KCNQ5: variants seen among roughly 807,000 people sequenced by gnomAD.
KCNQ5 encodes the protein potassium voltage-gated channel subfamily Q member 5, also known as potassium voltage-gated channel subfamily KQT member 5.
In KCNQ5, 30 loss-of-function variants were observed where a neutral mutation model predicts 98.2. That is an observed-to-expected ratio of 0.31 (90% CI 0.23 to 0.41). The LOEUF (loss-of-function observed/expected upper bound fraction) is 0.41. KCNQ5 is among the 10% of genes least tolerant of loss of function. The probability of loss-of-function intolerance (pLI) is 1.00; values close to 1 mark genes in which losing one functional copy is unlikely to be tolerated. For missense variants in KCNQ5, 835 were observed against 1,182.5 expected (o/e 0.71, Z 4.31); for synonymous variants, 458 against 449.4 (o/e 1.02, Z -0.24).
intron 1 of KCNQ5, among the ~76,000 whole-genome samples, chr6:72,743,596 A>G (rs1771234412): frequency 1.3e-5 from 2 of 152,212 alleles, no homozygotes; most frequent in Non-Finnish European, 2.9e-5. Context: ...CCCTTTTAAA[A>G]TCTAAATCCT....
At chr6:72,779,265 C>A (rs1773327410) in intron 1 of KCNQ5, among the ~76,000 whole-genome samples, 3 of 151,986 alleles carry the variant, frequency 2.0e-5, no homozygotes, top group Admixed American at 2.0e-4. Context: ...AAGGAGAGGC[C>A]CAGGCCAGGG....
intron 11 of KCNQ5, among the ~76,000 whole-genome samples, chr6:73,184,040 A>G (rs1778488703): frequency 6.6e-6 from 1 of 152,184 alleles, no homozygotes; most frequent in African/African-American, 2.4e-5. Context: ...CAACCAATAT[A>G]ATTCCATCCC....
chr6:73,198,519 A>T lies in KCNQ5; in HGVS notation c.*3105A>T, dbSNP rs1765873325. The T allele has an allele frequency of 1.3e-5, 2 of 152,250 alleles. No individual in the cohort carries two copies. Among genetic ancestry groups the T allele is most frequent in the Non-Finnish European group, 2.9e-5 (2 of 68,042 alleles). The allele number at this position is 152,250 out of a possible 1,614,324, so 9.4% of individuals were successfully genotyped here. A position where few individuals can be genotyped will look rare whatever the true frequency, so the allele number is the denominator to read the frequency against. Reference sequence around the variant, plus strand: ...CCATTTGCAAAGCAAAACTGTAAGGATGATGAAACCTGGCTAACTAAATTA... The same window carrying T: ...CCATTTGCAAAGCAAAACTGTAAGGTTGATGAAACCTGGCTAACTAAATTA... On this transcript the variant is annotated 3_prime_UTR_variant, in exon 14 of 14. Coordinates refer to ENST00000370398, the MANE Select transcript of KCNQ5 (RefSeq NM_019842.4).
chr6:72,720,212 A>G (rs1225530329), intron 1 of KCNQ5, among the ~76,000 whole-genome samples: 1 of 152,186 alleles, frequency 6.6e-6, no homozygotes, highest in African/African-American at 2.4e-5. Flanking sequence ...TTACTGCTAT[A>G]AGTGCACAGT....
intron 9 of KCNQ5, among the ~76,000 whole-genome samples, chr6:73,131,862 G>T (rs987529316): frequency 6.6e-6 from 1 of 152,112 alleles, no homozygotes; most frequent in Non-Finnish European, 1.5e-5. Context: ...AAACTGCCCC[G>T]CCTGTTCTTT....
intron 1 of KCNQ5, among the ~76,000 whole-genome samples, chr6:72,831,067 A>C (rs1242099412): frequency 6.6e-6 from 1 of 152,142 alleles, no homozygotes; most frequent in Non-Finnish European, 1.5e-5. Flanking sequence ...ATCATTAAAA[A>C]GTCAGGAAAC....
intron 3 of KCNQ5, among the ~76,000 whole-genome samples, chr6:73,075,447 TC>T (rs1773494811): frequency 6.6e-6 from 1 of 152,158 alleles, no homozygotes; most frequent in South Asian, 2.1e-4. Context: ...GGTCTCGATC[TC>T]CTGACCTCAT....
At chr6:72,762,933 C>G (rs191383584) in intron 1 of KCNQ5, among the ~76,000 whole-genome samples, 7 of 152,068 alleles carry the variant, frequency 4.6e-5, no homozygotes, top group African/African-American at 1.4e-4. Flanking sequence ...TTGGGCAGCA[C>G]TGAGCCATTT....
intron 1 of KCNQ5, among the ~76,000 whole-genome samples, chr6:72,864,034 G>A (rs1777875152): frequency 6.6e-6 from 1 of 152,128 alleles, no homozygotes; most frequent in Non-Finnish European, 1.5e-5. Context: ...CCTCCCCGCG[G>A]CAAGTAGCTC....
chr6:72,656,571 A>AT (rs1766205212), intron 1 of KCNQ5, among the ~76,000 whole-genome samples: 1 of 152,226 alleles, frequency 6.6e-6, no homozygotes, highest in Non-Finnish European at 1.5e-5. Flanking sequence ...ATAATAAAAC[A>AT]TTTAACACAA....
intron 1 of KCNQ5, among the ~76,000 whole-genome samples, chr6:72,837,550 T>C (rs1321776284): frequency 2.0e-5 from 3 of 152,178 alleles, no homozygotes; most frequent in South Asian, 2.1e-4. Flanking sequence ...ATATACATGG[T>C]AATGATTACA....
intron 1 of KCNQ5, among the ~76,000 whole-genome samples, chr6:72,950,144 A>G (rs1186236802): frequency 2.6e-5 from 4 of 152,216 alleles, no homozygotes; most frequent in African/African-American, 9.6e-5. Flanking sequence ...AAGAATAGCT[A>G]AGAAAAACTA....
At chr6:72,948,314 C>A (rs368413253) in intron 1 of KCNQ5, among the ~76,000 whole-genome samples, 8 of 151,938 alleles carry the variant, frequency 5.3e-5, no homozygotes, top group East Asian at 3.9e-4. Flanking sequence ...ATCCAACTGA[C>A]CTGTCGTTAC....
intron 9 of KCNQ5, among the ~76,000 whole-genome samples, chr6:73,132,439 C>T (rs1489202927): frequency 6.6e-6 from 1 of 152,104 alleles, no homozygotes; most frequent in Non-Finnish European, 1.5e-5. Flanking sequence ...TCTTACAGTT[C>T]ATTTGATTCC....
Position 73,173,367 on chromosome 6 carries a change from A to T in KCNQ5, c.1577+3513A>T, listed in dbSNP as rs192757236. ...AAATTAGTTCCTAAATGGAAAGATA[A>T]AATTAGCAGGAAAGTAAACAAACAA... On this transcript the variant is annotated intron_variant, in intron 11 of 13. Coordinates refer to ENST00000370398, the MANE Select transcript of KCNQ5 (RefSeq NM_019842.4). Among the ~76,000 whole-genome samples, 12 of 152,334 alleles carry T rather than the reference A, an allele frequency of 7.9e-5. No individual in the cohort carries two copies. In the East Asian group the frequency reaches 2.3e-3, roughly 29 times the overall value.
intron 1 of KCNQ5, among the ~76,000 whole-genome samples, chr6:72,911,291 G>A (rs1275536390): frequency 6.6e-6 from 1 of 152,124 alleles, no homozygotes; most frequent in Non-Finnish European, 1.5e-5. Flanking sequence ...CCATTAGGGT[G>A]GAGCCCTGAT....
At position 72,813,086 on chromosome 6, in the gene KCNQ5, C is replaced by A. The variant is rs116109298; in HGVS notation, c.398+190499C>A. 4.3e-3 allele frequency among the ~76,000 whole-genome samples: 647 copies of A among 152,100 alleles called. 5 individuals carry two copies. The highest frequency in any genetic ancestry group is 0.017 in the Middle Eastern group (5 of 294). On this transcript the variant is annotated intron_variant, in intron 1 of 13. Coordinates refer to ENST00000370398, the MANE Select transcript of KCNQ5 (RefSeq NM_019842.4). ...TTAATTTTTCTTTGTTATGCCCCACCTAGAAATGCTGTTTATTCACTCATA... is the reference window on the plus strand; with the variant it reads ...TTAATTTTTCTTTGTTATGCCCCACATAGAAATGCTGTTTATTCACTCATA...
At chr6:73,183,801 A>AC (rs1428288076) in intron 11 of KCNQ5, among the ~76,000 whole-genome samples, 1 of 152,126 alleles carries the variant, frequency 6.6e-6, no homozygotes, top group East Asian at 1.9e-4. Flanking sequence ...AAGTTATGTG[A>AC]CCCCACTGAC....
intron 10 of KCNQ5, among the ~76,000 whole-genome samples, chr6:73,146,251 A>G (rs189338553): frequency 4.6e-5 from 7 of 152,350 alleles, no homozygotes; most frequent in Non-Finnish European, 5.9e-5. Context: ...ATAGGATTAC[A>G]TAACTCCCTC....
Sources: allele counts gnomAD v4.1 joint callset (sites outside exome capture counted in the v4.1 genomes callset), GRCh38; gene constraint gnomAD v4.1.1; transcripts MANE v1.5; gene names NCBI Gene and HGNC (gene_info 2026-07-23, HGNC 2026-07-21).